Variants in VSTM4 observed in about 807,000 individuals in gnomAD.
The protein encoded by VSTM4 is V-set and transmembrane domain containing 4, also known as V-set and transmembrane domain-containing protein 4.
VSTM4 carries 20 observed loss-of-function variants against 36.4 expected under a neutral mutation model. The ratio of observed to expected loss-of-function variants is 0.55; its 90% CI spans 0.39 to 0.80. The LOEUF (loss-of-function observed/expected upper bound fraction) is 0.80, where lower values mean the gene tolerates loss of function less well. VSTM4 is among the 30% of genes least tolerant of loss of function. The pLI, the probability that VSTM4 is intolerant of heterozygous loss-of-function variation, is 0.00. For missense variants in VSTM4, 392 were observed against 404.5 expected (o/e 0.97, Z 0.26); for synonymous variants, 182 against 173.9 (o/e 1.05, Z -0.37).
At chr10:49,114,164 G>A (rs1844947361) in intron 1 of VSTM4, among the ~76,000 whole-genome samples, 1 of 152,132 alleles carries the variant, frequency 6.6e-6, no homozygotes, top group African/African-American at 2.4e-5. Flanking sequence ...TGACAACTGG[G>A]AAAAGGTACA....
At chr10:49,080,432 G>T (rs993524518) in intron 3 of VSTM4, among the ~76,000 whole-genome samples, 10 of 152,266 alleles carry the variant, frequency 6.6e-5, no homozygotes, top group Admixed American at 3.3e-4. Context: ...TGCCCCTGGA[G>T]TCTATGAGAT....
chr10:49,046,344 T>C (rs1843610709), intron 7 of VSTM4, among the ~76,000 whole-genome samples: 1 of 152,204 alleles, frequency 6.6e-6, no homozygotes, highest in Admixed American at 6.5e-5. Context: ...CCTGCAAATC[T>C]GTCTTGGATT....
chr10:49,091,075 A>C (rs1844465163), intron 2 of VSTM4, among the ~76,000 whole-genome samples: 2 of 152,242 alleles, frequency 1.3e-5, no homozygotes, highest in African/African-American at 2.4e-5. Flanking sequence ...TCTCAGTGCC[A>C]AGCCACCTAT....
intron 7 of VSTM4, among the ~76,000 whole-genome samples, chr10:49,045,756 G>T (rs1277945936): frequency 2.0e-5 from 3 of 152,104 alleles, no homozygotes; most frequent in African/African-American, 7.2e-5. Flanking sequence ...ATTGAGATGA[G>T]CATCACCATT....
chr10:49,069,718 G>A (rs1218609936), intron 4 of VSTM4, among the ~76,000 whole-genome samples: 1 of 152,162 alleles, frequency 6.6e-6, no homozygotes, highest in African/African-American at 2.4e-5. Flanking sequence ...ATCACCAAGT[G>A]GGAAGCTGAG....
chr10:49,095,301 A>T (rs1015729706), intron 2 of VSTM4, among the ~76,000 whole-genome samples: 1 of 152,112 alleles, frequency 6.6e-6, no homozygotes, highest in Non-Finnish European at 1.5e-5. Flanking sequence ...TTTCTCTGCC[A>T]TGTCTCCAGA....
At chr10:49,064,652 A>G (rs752567795) in intron 5 of VSTM4, 51 bp downstream of exon 5, 1 of 1,575,456 alleles carries the variant, frequency 6.3e-7, no homozygotes, top group South Asian at 1.1e-5. Flanking sequence ...TATCAAAAGA[A>G]AGTTAAATGG....
chr10:49,068,907 C>T (rs916495459), intron 4 of VSTM4, among the ~76,000 whole-genome samples: 9 of 152,120 alleles, frequency 5.9e-5, no homozygotes, highest in African/African-American at 7.2e-5. Context: ...ACATTCAGGA[C>T]GTGTTCTCAA....
At chr10:49,040,670 C>T (rs1843507354) in intron 7 of VSTM4, among the ~76,000 whole-genome samples, 1 of 152,170 alleles carries the variant, frequency 6.6e-6, no homozygotes, top group South Asian at 2.1e-4. Flanking sequence ...TTGCAAAATG[C>T]AATGTTGTCT....
rs1394107294 is a variant in VSTM4, at chr10:49,107,993, C to T, written c.58G>A (p.Val20Ile). 1.9e-6 allele frequency: 3 copies of T among 1,564,432 alleles called. No individual in the cohort carries two copies. Among genetic ancestry groups the T allele is most frequent in the East Asian group, 4.7e-5 (2 of 42,398 alleles). ...ALLARAPAPEVCAALNVTVSP... is the reference protein window; with the variant it reads ...ALLARAPAPEICAALNVTVSP... ...ACAGTGACATTGAGGGCCGCACAGA[C>T]CTCTGCAGAGAAAAAGGGGAGAAGA... The change falls in exon 2 of 8, where the codon GTC becomes ATC. Residue 20 changes from valine to isoleucine, a missense_variant and splice_region_variant. Val to Ile is a conservative substitution (Grantham distance 29, BLOSUM62 3). Coordinates refer to ENST00000332853, the MANE Select transcript of VSTM4 (RefSeq NM_001031746.5).
chr10:49,091,812 C>A (rs1351151936), intron 2 of VSTM4, among the ~76,000 whole-genome samples: 1 of 152,222 alleles, frequency 6.6e-6, no homozygotes, highest in Admixed American at 6.5e-5. Flanking sequence ...AAATTCTCTC[C>A]CACTGGCGCC....
chr10:49,052,942 T>C (rs1590088956), intron 5 of VSTM4, among the ~76,000 whole-genome samples: 1 of 152,198 alleles, frequency 6.6e-6, no homozygotes, highest in African/African-American at 2.4e-5. Flanking sequence ...AATCACCACA[T>C]TGACATAGGA....
At position 49,093,687 on chromosome 10, in the gene VSTM4, T is replaced by C. The variant is rs118053581; in HGVS notation, c.458-7664A>G. Reference sequence around the variant, plus strand: ...TTCTACCTTGTTCATTATCTGTGTCTGTTTTCTTCACTTTCTAGAATCCTT... The same window carrying C: ...TTCTACCTTGTTCATTATCTGTGTCCGTTTTCTTCACTTTCTAGAATCCTT... On this transcript the variant is annotated intron_variant, in intron 2 of 7. Transcript: ENST00000332853. Among the ~76,000 whole-genome samples the C allele has an allele frequency of 2.2e-3, 341 of 152,168 alleles. 4 individuals carry two copies. The highest frequency in any genetic ancestry group is 0.021 in the East Asian group (109 of 5,190).
chr10:49,066,277 A>T (rs1843972544), intron 4 of VSTM4, among the ~76,000 whole-genome samples: 1 of 152,212 alleles, frequency 6.6e-6, no homozygotes, highest in African/African-American at 2.4e-5. Flanking sequence ...CGTAAATGAG[A>T]CATCAAACAA....
intron 6 of VSTM4, 113 bp downstream of exon 6, chr10:49,048,365 T>G: frequency 3.2e-6 from 3 of 939,186 alleles, no homozygotes; most frequent in South Asian, 1.9e-5. Context: ...TTAAATGTCA[T>G]GTCATATTCC....
In VSTM4 at chr10:49,090,907, G is replaced by A. The variant is rs7917839; in HGVS notation, c.458-4884C>T. Among the ~76,000 whole-genome samples the A allele has an allele frequency of 8.0e-3, 1,214 of 151,724 alleles. 12 individuals carry two copies. The highest frequency in any genetic ancestry group is 0.037 in the Middle Eastern group (11 of 294). Reference sequence around the variant, plus strand: ...TCCTGCACACACTCCTCTACCATCCGTCCTGTGTCCAGGGAGACCATGACA... The same window carrying A: ...TCCTGCACACACTCCTCTACCATCCATCCTGTGTCCAGGGAGACCATGACA... On this transcript the variant is annotated intron_variant, in intron 2 of 7. Coordinates refer to ENST00000332853, the MANE Select transcript of VSTM4 (RefSeq NM_001031746.5).
chr10:49,075,445 C>T (rs894664467), intron 4 of VSTM4, among the ~76,000 whole-genome samples: 8 of 152,378 alleles, frequency 5.3e-5, no homozygotes, highest in East Asian at 1.9e-4. Context: ...GAGCCACATT[C>T]CAAGGAGAAT....
At chr10:49,082,374 C>G (rs899329849) in intron 3 of VSTM4, among the ~76,000 whole-genome samples, 1 of 152,198 alleles carries the variant, frequency 6.6e-6, no homozygotes, top group African/African-American at 2.4e-5. Flanking sequence ...TTTTAAAATA[C>G]CACATATGGT....
intron 1 of VSTM4, 33 bp downstream of exon 1, chr10:49,115,398 C>A: frequency 9.9e-7 from 1 of 1,013,840 alleles, no homozygotes. Context: ...GGCCCCCACC[C>A]TTCCCGCTCC....
Sources: allele counts gnomAD v4.1 joint callset (sites outside exome capture counted in the v4.1 genomes callset), GRCh38; gene constraint gnomAD v4.1.1; transcripts MANE v1.5; gene names NCBI Gene and HGNC (gene_info 2026-07-23, HGNC 2026-07-21).